SUSD1: variants seen among roughly 807,000 people sequenced by gnomAD.
SUSD1 encodes sushi domain containing 1.
A neutral mutation model predicts 86.9 loss-of-function variants in SUSD1; 65 were observed. That is an observed-to-expected ratio of 0.75 (90% CI 0.61 to 0.92). The LOEUF (loss-of-function observed/expected upper bound fraction) is 0.92, where lower values mean the gene tolerates loss of function less well. Ranked by LOEUF, SUSD1 falls within the 40% of genes least tolerant of loss-of-function variation. The pLI, the probability that SUSD1 is intolerant of heterozygous loss-of-function variation, is 0.00. For synonymous variants in SUSD1, 346 were observed against 350.0 expected, an observed-to-expected ratio of 0.99 and a Z score of 0.13; for missense variants, 850 against 929.7, an observed-to-expected ratio of 0.91 and a Z score of 1.11.
intron 13 of SUSD1, among the ~76,000 whole-genome samples, chr9:112,059,682 G>A (rs930323350): frequency 6.6e-6 from 1 of 152,156 alleles, no homozygotes; most frequent in African/African-American, 2.4e-5. Flanking sequence ...ACTAACAAAT[G>A]GGTATTGTTT....
At position 112,158,831 on chromosome 9, in the gene SUSD1, C is replaced by T. The variant is rs184226577; in HGVS notation, c.104-1218G>A. Among the ~76,000 whole-genome samples, 4 of 152,140 alleles carry T rather than the reference C, an allele frequency of 2.6e-5. No individual in the cohort carries two copies. The East Asian group carries it at 5.8e-4, about 22-fold the overall frequency. ...TCCAAGCTCAGTATTATGAATGAGC[C>T]GCTCAAGGATAGGGATGATGTCATT... On this transcript the variant is annotated intron_variant, in intron 1 of 16. Coordinates refer to ENST00000374270, the MANE Select transcript of SUSD1 (RefSeq NM_022486.5).
chr9:112,164,612 T>TA (rs893753430), intron 1 of SUSD1, among the ~76,000 whole-genome samples: 18 of 146,242 alleles, frequency 1.2e-4, no homozygotes, highest in Admixed American at 6.8e-4. Flanking sequence ...ACCATAAAGG[T>TA]AAAAAAAAAT....
At chr9:112,149,523 T>G in intron 2 of SUSD1, 124 bp from the exon 3 acceptor site, 1 of 1,108,868 alleles carries the variant, frequency 9.0e-7, no homozygotes, top group Non-Finnish European at 1.3e-6. Flanking sequence ...TAGTGATCTA[T>G]TTCTCCAGCC....
chr9:112,132,842 C>T lies in SUSD1; in HGVS notation c.707-8406G>A, dbSNP rs141815511. 2.6e-5 allele frequency among the ~76,000 whole-genome samples: 4 copies of T among 152,346 alleles called. No homozygotes were observed. The East Asian group carries it at 7.7e-4, about 29-fold the overall frequency. ...TTTCATGTATCTTGCAGCATGTCTA[C>T]ATACAACCATGAATTTGACTGTTGA... On this transcript the variant is annotated intron_variant, in intron 5 of 16. Transcript: ENST00000374270.
At chr9:112,070,760 T>C (rs1829233136) in intron 12 of SUSD1, among the ~76,000 whole-genome samples, 1 of 151,808 alleles carries the variant, frequency 6.6e-6, no homozygotes, top group Non-Finnish European at 1.5e-5. Context: ...ATTACAGCAA[T>C]TGAAATAGTA....
intron 2 of SUSD1, among the ~76,000 whole-genome samples, chr9:112,155,599 T>C (rs1005392788): frequency 6.6e-6 from 1 of 152,124 alleles, no homozygotes; most frequent in African/African-American, 2.4e-5. Flanking sequence ...TTTGGTTTTT[T>C]TGTTTGTTTG....
At chr9:112,124,949 A>G (rs1831707640) in intron 5 of SUSD1, among the ~76,000 whole-genome samples, 1 of 152,218 alleles carries the variant, frequency 6.6e-6, no homozygotes, top group African/African-American at 2.4e-5. Flanking sequence ...CAAAATTGAT[A>G]CGAAATTTTT....
At chr9:112,056,055 G>A (rs1454707242) in intron 14 of SUSD1, among the ~76,000 whole-genome samples, 1 of 152,162 alleles carries the variant, frequency 6.6e-6, no homozygotes, top group East Asian at 1.9e-4. Flanking sequence ...GAGCCTGGGA[G>A]TTTGGAACCA....
intron 12 of SUSD1, among the ~76,000 whole-genome samples, chr9:112,074,338 TG>T (rs1806481705): frequency 6.6e-6 from 1 of 152,202 alleles, no homozygotes; most frequent in African/African-American, 2.4e-5. Context: ...ATGCGTGCCG[TG>T]GGGCTATCCT....
intron 10 of SUSD1, among the ~76,000 whole-genome samples, chr9:112,088,238 T>C (rs1332549723): frequency 3.3e-5 from 5 of 152,228 alleles, no homozygotes; most frequent in East Asian, 1.9e-4. Flanking sequence ...ATCCAAGAGA[T>C]AAACTGAGGA....
rs777944986 is a variant in SUSD1 at position 112,112,743 on chromosome 9, G to A, written c.984+28C>T. On this transcript the variant is annotated intron_variant, in intron 7 of 16. Transcript: ENST00000374270. ...TCCCATGGGTGACGTGTCTGTCCTA[G>A]CAGGAAAAAGTAGATCACTTTACTT... is the stretch of plus-strand genomic sequence containing the variant. 80 of 1,496,488 alleles carry A rather than the reference G, an allele frequency of 5.3e-5. No individual in the cohort carries two copies. The Middle Eastern group carries it at 6.9e-4, about 13-fold the overall frequency. The allele number at this position is 1,496,488 out of a possible 1,614,324, so 92.7% of individuals were successfully genotyped here. A position where few individuals can be genotyped will look rare whatever the true frequency, so the allele number is the denominator to read the frequency against.
Position 112,149,407 on chromosome 9 carries a change from C to T in SUSD1, c.218-8G>A, listed in dbSNP as rs1832949460. Reference sequence around the variant, plus strand: ...ACTGGCACTCATTTTTATCTGTTGACACACAGACAAGGCACCGGAAGAGCT... The same window carrying T: ...ACTGGCACTCATTTTTATCTGTTGATACACAGACAAGGCACCGGAAGAGCT... On this transcript the variant is annotated splice_polypyrimidine_tract_variant and splice_region_variant and intron_variant, in intron 2 of 16. Transcript: ENST00000374270. The T allele has an allele frequency of 6.2e-7, 1 of 1,613,350 alleles. No individual in the cohort carries two copies. Among genetic ancestry groups the T allele is most frequent in the African/African-American group, 1.3e-5 (1 of 74,904 alleles).
At chr9:112,134,919 T>C (rs1832193142) in intron 5 of SUSD1, among the ~76,000 whole-genome samples, 1 of 151,726 alleles carries the variant, frequency 6.6e-6, no homozygotes, top group Admixed American at 6.6e-5. Flanking sequence ...ATACAAAAAT[T>C]AGCCAGGTGT....
At chr9:112,141,706 T>A (rs1197654665) in intron 5 of SUSD1, among the ~76,000 whole-genome samples, 2 of 146,728 alleles carry the variant, frequency 1.4e-5, no homozygotes, top group South Asian at 4.2e-4. Context: ...AAAAAATATA[T>A]AATATATTAC....
At chr9:112,123,619 G>A (rs1484929262) in intron 6 of SUSD1, among the ~76,000 whole-genome samples, 3 of 152,112 alleles carry the variant, frequency 2.0e-5, no homozygotes, top group African/African-American at 7.2e-5. Flanking sequence ...GGGCAACATG[G>A]TGAAACCCCA....
chr9:112,061,496 G>C (rs1828724909), intron 13 of SUSD1, among the ~76,000 whole-genome samples: 1 of 152,210 alleles, frequency 6.6e-6, no homozygotes, highest in African/African-American at 2.4e-5. Context: ...CCGGCATATA[G>C]CCACAAGGGT....
At position 112,102,258 on chromosome 9, in the gene SUSD1, C is replaced by T. The variant is rs1171731167; in HGVS notation, c.1199G>A (p.Ser400Asn). 6.3e-7 allele frequency: 1 copy of T among 1,588,856 alleles called. No individual in the cohort carries two copies. The highest frequency in any genetic ancestry group is 2.3e-5 in the East Asian group (1 of 44,152). Residue 400 changes from serine (S) to asparagine (N), a missense_variant, in exon 9 of 17, where the codon AGT (serine) becomes AAT (asparagine). By Grantham distance (46) the Ser-to-Asn change is conservative (BLOSUM62 1). Coordinates refer to ENST00000374270, the MANE Select transcript of SUSD1 (RefSeq NM_022486.5). ...AEVDLLEDDG[S>N]FNISIFNETC... ...TTCATTAAATATTGAAATATTGAAACTTCCATCATCTTCTAAGAGATCAAC... is the reference window on the plus strand; with the variant it reads ...TTCATTAAATATTGAAATATTGAAATTTCCATCATCTTCTAAGAGATCAAC...
chr9:112,156,621 G>A (rs777616194), intron 2 of SUSD1, among the ~76,000 whole-genome samples: 6 of 152,000 alleles, frequency 3.9e-5, no homozygotes, highest in Non-Finnish European at 8.8e-5. Flanking sequence ...ATGCTGCCCA[G>A]GCTGGTCTCA....
chr9:112,089,340 GGA>G (rs1830108662), intron 10 of SUSD1, among the ~76,000 whole-genome samples: 1 of 152,034 alleles, frequency 6.6e-6, no homozygotes, highest in South Asian at 2.1e-4. Context: ...ATAATAGGAT[GGA>G]GTTGAAACTA....
Sources: allele counts gnomAD v4.1 joint callset (sites outside exome capture counted in the v4.1 genomes callset), GRCh38; gene constraint gnomAD v4.1.1; transcripts MANE v1.5; gene names NCBI Gene and HGNC (gene_info 2026-07-23, HGNC 2026-07-21).